The following FRMPD2 variants were observed in gnomAD, a reference collection of about 807,000 sequenced individuals.
The protein encoded by FRMPD2 is FERM and PDZ domain containing 2.
FRMPD2 carries 96 observed loss-of-function variants against 140.1 expected under a neutral mutation model. That is an observed-to-expected ratio of 0.69 (90% CI 0.58 to 0.81). FRMPD2 has a LOEUF of 0.81. FRMPD2 is among the 40% of genes least tolerant of loss of function. The pLI is 0.00. For missense variants in FRMPD2, 1,240 were observed against 1,447.4 expected (o/e 0.86, Z 2.32); for synonymous variants, 449 against 547.6 (o/e 0.82, Z 2.52).
chr10:48,161,680 T>C (rs1200266010), intron 28 of FRMPD2, among the ~76,000 whole-genome samples: 2 of 151,258 alleles, frequency 1.3e-5, no homozygotes, highest in African/African-American at 4.9e-5. Flanking sequence ...ATTCAAGAGG[T>C]AGCAAGTTCT....
intron 20 of FRMPD2, among the ~76,000 whole-genome samples, chr10:48,183,649 C>G (rs1323544757): frequency 6.6e-6 from 1 of 151,582 alleles, no homozygotes; most frequent in Non-Finnish European, 1.5e-5. Flanking sequence ...TCAGGAGTTC[C>G]AGACCAGCCT....
chr10:48,224,801 A>G (rs1269008654), intron 10 of FRMPD2, among the ~76,000 whole-genome samples: 1 of 152,204 alleles, frequency 6.6e-6, no homozygotes, highest in African/African-American at 2.4e-5. Flanking sequence ...TTGTGAGTGC[A>G]GGTGCACTCA....
chr10:48,240,625 C>T (rs1840085874), intron 5 of FRMPD2, 133 bp from the exon 6 acceptor site: 21 of 1,247,630 alleles, frequency 1.7e-5, no homozygotes, highest in Non-Finnish European at 2.2e-5. Context: ...AAGATGTGTT[C>T]TCTGGCACCC....
intron 15 of FRMPD2, among the ~76,000 whole-genome samples, chr10:48,198,923 A>C (rs769432395): frequency 6.6e-6 from 1 of 152,192 alleles, no homozygotes; most frequent in South Asian, 2.1e-4. Context: ...ATGTTTGTAC[A>C]TTGATTTTGT....
At chr10:48,208,914 TTG>T (rs1291794630) in intron 13 of FRMPD2, among the ~76,000 whole-genome samples, 3 of 152,192 alleles carry the variant, frequency 2.0e-5, no homozygotes, top group Non-Finnish European at 4.4e-5. Flanking sequence ...AACAAATGGA[TTG>T]TTATTTCTGA....
chr10:48,179,708 C>T (rs1255985912), intron 21 of FRMPD2, among the ~76,000 whole-genome samples: 13 of 151,898 alleles, frequency 8.6e-5, no homozygotes, highest in African/African-American at 2.7e-4. Flanking sequence ...GTTTTATCCC[C>T]GACACTGGGC....
chr10:48,238,445 C>T (rs1461339817), intron 7 of FRMPD2, among the ~76,000 whole-genome samples: 1 of 152,176 alleles, frequency 6.6e-6, no homozygotes, highest in Admixed American at 6.5e-5. Context: ...CATGGGACTG[C>T]AGCAGTTCTG....
chr10:48,184,733 G>A (rs781329728), intron 19 of FRMPD2, 41 bp downstream of exon 19: 1 of 1,597,396 alleles, frequency 6.3e-7, no homozygotes, highest in Non-Finnish European at 8.6e-7. Flanking sequence ...AAAAAGAGTG[G>A]TTTCTTAAAA....
At chr10:48,249,491 C>T (rs1840326954) in intron 2 of FRMPD2, among the ~76,000 whole-genome samples, 1 of 152,230 alleles carries the variant, frequency 6.6e-6, no homozygotes, top group Non-Finnish European at 1.5e-5. Flanking sequence ...TCTCTAGAGA[C>T]AGACCAGGAT....
In FRMPD2 at chr10:48,192,520, G is replaced by A. The variant is rs113531135; in HGVS notation, c.2165+164C>T. Among the ~76,000 whole-genome samples the A allele has an allele frequency of 2.1e-3, 327 of 152,258 alleles. 1 individual carries two copies. Among genetic ancestry groups the A allele is most frequent in the African/African-American group, 7.4e-3 (306 of 41,536 alleles). ...GAGAATCGCTTGAACCTGGAAGGCT[G>A]AGGTTGCGGTGAGCCAAGATCACGC... On this transcript the variant is annotated intron_variant, in intron 16 of 28. Coordinates refer to ENST00000374201, the MANE Select transcript of FRMPD2 (RefSeq NM_001018071.4).
chr10:48,196,053 C>T (rs181179225), intron 15 of FRMPD2, among the ~76,000 whole-genome samples: 1 of 152,054 alleles, frequency 6.6e-6, no homozygotes, highest in Non-Finnish European at 1.5e-5. Context: ...TACAGAGGAT[C>T]GGACTTATCT....
intron 27 of FRMPD2, among the ~76,000 whole-genome samples, chr10:48,164,255 C>T (rs1111324): frequency 3.6e-4 from 54 of 151,090 alleles, no homozygotes; most frequent in African/African-American, 1.2e-3. Flanking sequence ...ACAGCAGAAC[C>T]TGCTGGGTTC....
At position 48,240,365 on chromosome 10, in the gene FRMPD2, C is replaced by G; in HGVS notation, c.695G>C (p.Cys232Ser). 1 of 1,611,888 alleles carries G rather than the reference C, an allele frequency of 6.2e-7. No individual in the cohort carries two copies. The highest frequency in any genetic ancestry group is 8.5e-7 in the Non-Finnish European group (1 of 1,180,030). The change falls in exon 6 of 29, where the codon TGC becomes TCC. Residue 232 changes from cysteine to serine, a missense_variant. By Grantham distance (112) the Cys-to-Ser change is moderately radical. Coordinates refer to ENST00000374201, the MANE Select transcript of FRMPD2 (RefSeq NM_001018071.4). ...AAQAPECLHP[C>S]RVSERSTETQ... is the part of the protein sequence containing the mutation. ...TGCTTAGGGCACGTACCCACCTCTG[C>G]AAGGATGCAGACACTCCGGGGCCTG...
chr10:48,202,657 C>G (rs1339601214), intron 14 of FRMPD2, among the ~76,000 whole-genome samples: 1 of 152,198 alleles, frequency 6.6e-6, no homozygotes, highest in Non-Finnish European at 1.5e-5. Flanking sequence ...CTTTAGTACT[C>G]AACTGATCAT....
At chr10:48,251,944 CAAATGAAAGGTT>C (rs1840392835) in intron 1 of FRMPD2, among the ~76,000 whole-genome samples, 4 of 152,174 alleles carry the variant, frequency 2.6e-5, no homozygotes, top group African/African-American at 9.7e-5. Context: ...ATAAAACTCC[CAAATGAAAGGTT>C]AAATGAATAA....
At chr10:48,187,146 C>T (rs372129458) in intron 17 of FRMPD2, 46 bp downstream of exon 17, 21 of 1,344,446 alleles carry the variant, frequency 1.6e-5, no homozygotes, top group African/African-American at 1.3e-4. Flanking sequence ...AAGCTTCCTG[C>T]GTAGGGGTTC....
chr10:48,189,851 C>G (rs1838787904), intron 16 of FRMPD2, among the ~76,000 whole-genome samples: 1 of 152,160 alleles, frequency 6.6e-6, no homozygotes, highest in Admixed American at 6.5e-5. Context: ...ACACTGTGTT[C>G]GAGACCAGCA....
intron 10 of FRMPD2, among the ~76,000 whole-genome samples, chr10:48,224,414 T>C (rs900293836): frequency 6.6e-5 from 10 of 152,190 alleles, no homozygotes; most frequent in Non-Finnish European, 1.5e-4. Flanking sequence ...ACTTTTAAAC[T>C]GGTGACCAAC....
intron 24 of FRMPD2, among the ~76,000 whole-genome samples, chr10:48,174,039 TA>T (rs1384624724): frequency 2.0e-5 from 3 of 152,186 alleles, no homozygotes; most frequent in African/African-American, 7.2e-5. Flanking sequence ...GCCAATAAAT[TA>T]TGGCTCTGTT....
Sources: gnomAD v4.1 joint callset for allele counts (sites outside exome capture counted in the v4.1 genomes callset) on GRCh38, gnomAD v4.1.1 for gene constraint, MANE v1.5 for transcripts, NCBI Gene and HGNC (gene_info 2026-07-23, HGNC 2026-07-21) for gene names.